Variants in SLC38A12 observed in about 807,000 individuals in gnomAD.
The protein encoded by SLC38A12 is putative sodium-coupled neutral amino acid transporter 12.
At chr17:74,804,615 G>C in the SLC38A12 span, among the ~76,000 whole-genome samples, 4,934 of 152,358 alleles carry the variant, frequency 0.032, 109 homozygotes, top group East Asian at 0.097. Context: ...AGGCACTGGG[G>C]GTGTGGCAGC....
At chr17:74,818,532 C>T in the SLC38A12 span, among the ~76,000 whole-genome samples, 15 of 150,322 alleles carry the variant, frequency 1.0e-4, no homozygotes, top group African/African-American at 3.4e-4. Context: ...GGGCGGGGGG[C>T]GGGACAGGCT....
At chr17:74,794,812 C>CT in the SLC38A12 span, among the ~76,000 whole-genome samples, 1 of 152,188 alleles carries the variant, frequency 6.6e-6, no homozygotes, top group Non-Finnish European at 1.5e-5. Context: ...CGATCTGTCT[C>CT]TTGTCAGCAT....
the SLC38A12 span, among the ~76,000 whole-genome samples, chr17:74,797,146 GA>G: frequency 1.3e-5 from 2 of 152,216 alleles, no homozygotes; most frequent in Admixed American, 1.3e-4. Context: ...TGAGCGCTGG[GA>G]ATATTGGCTG....
chr17:74,816,791 A>G, the SLC38A12 span, among the ~76,000 whole-genome samples: 1 of 152,050 alleles, frequency 6.6e-6, no homozygotes, highest in Non-Finnish European at 1.5e-5. Flanking sequence ...TGAACTGATC[A>G]ATGGCATTTG....
the SLC38A12 span, among the ~76,000 whole-genome samples, chr17:74,782,416 C>T: frequency 3.3e-5 from 5 of 151,994 alleles, no homozygotes; most frequent in South Asian, 2.1e-4. Context: ...AACGTAGCCC[C>T]GTGAGTTCAA....
chr17:74,790,931 C>T, the SLC38A12 span: 6 of 1,612,568 alleles, frequency 3.7e-6, no homozygotes, highest in Admixed American at 8.3e-5. Context: ...ACCACTTCCT[C>T]TTCCTTGTTC....
At chr17:74,825,008 C>T in the SLC38A12 span, among the ~76,000 whole-genome samples, 1 of 152,238 alleles carries the variant, frequency 6.6e-6, no homozygotes, top group African/African-American at 2.4e-5. Flanking sequence ...TGGGACTGCG[C>T]TGATCCATCA....
chr17:74,794,405 A>T, the SLC38A12 span, among the ~76,000 whole-genome samples: 56 of 152,208 alleles, frequency 3.7e-4, no homozygotes, highest in Non-Finnish European at 7.1e-4. Context: ...TCCCGTAAGA[A>T]GGAAAGGGGG....
the SLC38A12 span, among the ~76,000 whole-genome samples, chr17:74,811,080 A>C: frequency 2.0e-5 from 3 of 152,258 alleles, no homozygotes; most frequent in African/African-American, 7.2e-5. Context: ...CTGGAATCCT[A>C]GCACTTTGGG....
chr17:74,832,532 A>G, the SLC38A12 span, among the ~76,000 whole-genome samples: 73 of 152,218 alleles, frequency 4.8e-4, no homozygotes, highest in Admixed American at 2.0e-3. Context: ...GCTCCTCACC[A>G]TGGCGGCCTC....
chr17:74,811,851 G>A, the SLC38A12 span, among the ~76,000 whole-genome samples: 1 of 152,124 alleles, frequency 6.6e-6, no homozygotes, highest in South Asian at 2.1e-4. Context: ...GGACAATATA[G>A]TGAGACCCCC....
chr17:74,797,314 C>T, the SLC38A12 span, among the ~76,000 whole-genome samples: 7 of 152,288 alleles, frequency 4.6e-5, no homozygotes, highest in South Asian at 2.1e-4. Flanking sequence ...GGAAAGCAGA[C>T]GGGCATTAAT....
the SLC38A12 span, among the ~76,000 whole-genome samples, chr17:74,780,002 G>A: frequency 2.6e-5 from 4 of 152,226 alleles, no homozygotes; most frequent in Admixed American, 2.6e-4. Flanking sequence ...AGGCATGTCT[G>A]TTTCCCCATT....
At chr17:74,813,284 C>A in the SLC38A12 span, among the ~76,000 whole-genome samples, 1 of 152,380 alleles carries the variant, frequency 6.6e-6, no homozygotes, top group South Asian at 2.1e-4. Flanking sequence ...GGACCCTCCC[C>A]TGGGCATCAC....
the SLC38A12 span, among the ~76,000 whole-genome samples, chr17:74,794,727 C>T: frequency 1.5e-4 from 23 of 152,232 alleles, no homozygotes; most frequent in South Asian, 2.1e-3. Flanking sequence ...TCACACTCAC[C>T]GTGCACCTGT....
At chr17:74,799,846 A>G in the SLC38A12 span, among the ~76,000 whole-genome samples, 1 of 152,188 alleles carries the variant, frequency 6.6e-6, no homozygotes, top group African/African-American at 2.4e-5. Context: ...AGTACCACTC[A>G]AGGAGAAAAT....
At chr17:74,795,796 A>T in the SLC38A12 span, among the ~76,000 whole-genome samples, 3 of 152,150 alleles carry the variant, frequency 2.0e-5, no homozygotes, top group African/African-American at 7.2e-5. Context: ...GCAGAAATGG[A>T]TCGTGTCACT....
chr17:74,799,935 A>G, the SLC38A12 span, among the ~76,000 whole-genome samples: 1 of 152,222 alleles, frequency 6.6e-6, no homozygotes, highest in South Asian at 2.1e-4. Context: ...CCGCCCTCCC[A>G]CGGTTTACCT....
At chr17:74,824,734 G>T in the SLC38A12 span, among the ~76,000 whole-genome samples, 1 of 152,170 alleles carries the variant, frequency 6.6e-6, no homozygotes, top group Non-Finnish European at 1.5e-5. Flanking sequence ...TTGCATCTGT[G>T]TTCCCCTCAA....
Sources: allele counts gnomAD v4.1 joint callset (sites outside exome capture counted in the v4.1 genomes callset), GRCh38; gene constraint gnomAD v4.1.1; transcripts MANE v1.5; gene names NCBI Gene and HGNC (gene_info 2026-07-23, HGNC 2026-07-21).